KLF12: variants seen among roughly 807,000 people sequenced by gnomAD.
The protein encoded by KLF12 is KLF transcription factor 12, also known as Krueppel-like factor 12.
Under a neutral mutation model 37.8 loss-of-function variants are expected in KLF12, and 9 were observed. The ratio of observed to expected loss-of-function variants is 0.24; its 90% CI spans 0.14 to 0.42. KLF12 has a LOEUF of 0.42. Among genes scored for constraint, KLF12 ranks in the 10% least tolerant of loss-of-function variants. The probability of loss-of-function intolerance (pLI) is 1.00; values close to 1 mark genes in which losing one functional copy is unlikely to be tolerated. For synonymous variants in KLF12, 208 were observed against 202.1 expected, an observed-to-expected ratio of 1.03 and a Z score of -0.25; for missense variants, 411 against 516.0, an observed-to-expected ratio of 0.80 and a Z score of 1.97.
At chr13:74,272,489 T>G in the KLF12 span, among the ~76,000 whole-genome samples, 1 of 152,196 alleles carries the variant, frequency 6.6e-6, no homozygotes, top group South Asian at 2.1e-4. Flanking sequence ...CATATTAAAG[T>G]CTTTGAGAAG....
intron 3 of KLF12, among the ~76,000 whole-genome samples, chr13:73,906,575 T>C (rs1419650004): frequency 6.6e-6 from 1 of 152,250 alleles, no homozygotes; most frequent in South Asian, 2.1e-4. Context: ...TTGTGGTTCA[T>C]CTTTTATTTC....
At chr13:73,737,314 T>A (rs1480676295) in intron 6 of KLF12, among the ~76,000 whole-genome samples, 2 of 152,228 alleles carry the variant, frequency 1.3e-5, no homozygotes, top group Non-Finnish European at 2.9e-5. Flanking sequence ...GAATCAGATT[T>A]ATTTATTCTT....
At chr13:73,889,383 T>C (rs1887389986) in intron 3 of KLF12, among the ~76,000 whole-genome samples, 1 of 152,202 alleles carries the variant, frequency 6.6e-6, no homozygotes, top group African/African-American at 2.4e-5. Context: ...TTCATCATAC[T>C]GTCTTTGAAC....
Position 73,848,177 on chromosome 13 carries a change from T to A in KLF12, c.124-1804A>T, listed in dbSNP as rs565862034. ...AGAGAGTGATTACTTCCACCACAAA[T>A]TTTTCTCCTCCTGTCTACTTAGACA... On this transcript the variant is annotated intron_variant, in intron 3 of 7. Coordinates refer to ENST00000377669, the MANE Select transcript of KLF12 (RefSeq NM_007249.5). 1.3e-4 allele frequency among the ~76,000 whole-genome samples: 20 copies of A among 152,250 alleles called. No homozygotes were observed. The East Asian group carries it at 3.9e-3, about 29-fold the overall frequency.
chr13:74,136,425 T>G (rs1287698730), upstream of KLF12, among the ~76,000 whole-genome samples: 1 of 152,122 alleles, frequency 6.6e-6, no homozygotes, highest in Non-Finnish European at 1.5e-5. Context: ...AACGAGAAAC[T>G]TGCCTCTACT....
chr13:73,848,270 G>T (rs1885134205), intron 3 of KLF12, among the ~76,000 whole-genome samples: 1 of 152,090 alleles, frequency 6.6e-6, no homozygotes, highest in Non-Finnish European at 1.5e-5. Flanking sequence ...GTTCTATAAT[G>T]TAAATGAAAG....
the KLF12 span, among the ~76,000 whole-genome samples, chr13:74,286,233 T>C: frequency 1.3e-5 from 2 of 152,164 alleles, no homozygotes; most frequent in Non-Finnish European, 2.9e-5. Flanking sequence ...CACACTGAAA[T>C]GGATGTGAGG....
At chr13:74,167,831 G>C in the KLF12 span, among the ~76,000 whole-genome samples, 3 of 152,014 alleles carry the variant, frequency 2.0e-5, no homozygotes, top group African/African-American at 4.8e-5. Flanking sequence ...GAGCAAACAG[G>C]GTACTTGTTA....
Position 73,690,247 on chromosome 13 carries a change from CATTTA to C in KLF12, c.*5238_*5242del, listed in dbSNP as rs1206039580. Reference sequence around the variant, plus strand: ...AAGGTTTACTGACAGGCACTTTCAGCATTTAATTTATTTCTGAAAATGGGCATTAG... The same window carrying C: ...AAGGTTTACTGACAGGCACTTTCAGCATTTATTTCTGAAAATGGGCATTAG... On this transcript the variant is annotated 3_prime_UTR_variant, in exon 8 of 8. Coordinates refer to ENST00000377669, the MANE Select transcript of KLF12 (RefSeq NM_007249.5). 1.3e-5 allele frequency: 2 copies of C among 152,500 alleles called. No homozygotes were observed. The highest frequency in any genetic ancestry group is 2.9e-5 in the Non-Finnish European group (2 of 67,998). 9.4% of individuals were successfully genotyped at this position (152,500 alleles called of 1,614,324 possible). A position where few individuals can be genotyped will look rare whatever the true frequency, so the allele number is the denominator to read the frequency against.
intron 1 of KLF12, among the ~76,000 whole-genome samples, chr13:74,040,385 C>T (rs1257449033): frequency 6.6e-6 from 1 of 152,272 alleles, no homozygotes; most frequent in East Asian, 1.9e-4. Context: ...CTATGCAGAC[C>T]AGGCACCACT....
intron 7 of KLF12, among the ~76,000 whole-genome samples, chr13:73,713,289 G>A (rs1376470243): frequency 6.6e-6 from 1 of 152,190 alleles, no homozygotes; most frequent in Non-Finnish European, 1.5e-5. Context: ...GACATTGTAA[G>A]AGAGGAGAAC....
the KLF12 span, among the ~76,000 whole-genome samples, chr13:74,152,934 A>C: frequency 1.3e-5 from 2 of 149,568 alleles, no homozygotes; most frequent in African/African-American, 4.9e-5. Flanking sequence ...AATAATAAAA[A>C]CAGAGGGCTC....
upstream of KLF12, among the ~76,000 whole-genome samples, chr13:74,136,996 A>G (rs567808958): frequency 8.5e-5 from 13 of 152,324 alleles, no homozygotes; most frequent in African/African-American, 3.1e-4. Context: ...CAAAGCATGG[A>G]TGATAACGGA....
chr13:73,983,379 C>T (rs1891738938), intron 2 of KLF12, among the ~76,000 whole-genome samples: 1 of 152,190 alleles, frequency 6.6e-6, no homozygotes, highest in Non-Finnish European at 1.5e-5. Flanking sequence ...CACTACCCAT[C>T]CCATTCTTCT....
rs373953078 is a variant in KLF12, at chr13:73,957,705, C to G, written c.34-13635G>C. 1.2e-3 allele frequency among the ~76,000 whole-genome samples: 190 copies of G among 152,100 alleles called. 2 individuals carry two copies. Among genetic ancestry groups the G allele is most frequent in the South Asian group, 8.1e-3 (39 of 4,812 alleles). On this transcript the variant is annotated intron_variant, in intron 2 of 7. Transcript: ENST00000377669. ...TTCACAATATGAACTGAAATATAAA[C>G]CTGTTTATATTTTATTAATTTTGTT...
chr13:73,738,105 A>ACACACACAAAAATG, intron 6 of KLF12, among the ~76,000 whole-genome samples: 1 of 95,352 alleles, frequency 1.0e-5, no homozygotes, highest in East Asian at 2.3e-4. Flanking sequence ...ATATATATAT[A>ACACACACAAAAATG]TATATATATA....
At chr13:73,850,282 T>C (rs1885265865) in intron 3 of KLF12, among the ~76,000 whole-genome samples, 1 of 152,244 alleles carries the variant, frequency 6.6e-6, no homozygotes, top group African/African-American at 2.4e-5. Flanking sequence ...TTTTGAGTGA[T>C]CTGGAAATTA....
chr13:74,085,664 C>A (rs1205467294), intron 1 of KLF12, among the ~76,000 whole-genome samples: 1 of 152,162 alleles, frequency 6.6e-6, no homozygotes. Flanking sequence ...GATCCACTAG[C>A]CAGCGGGTTT....
intron 3 of KLF12, among the ~76,000 whole-genome samples, chr13:73,896,669 G>C (rs1887784648): frequency 6.6e-6 from 1 of 151,982 alleles, no homozygotes; most frequent in Non-Finnish European, 1.5e-5. Flanking sequence ...TCTGAATCTA[G>C]GCTCTCTTCA....
Sources: allele counts gnomAD v4.1 joint callset (sites outside exome capture counted in the v4.1 genomes callset), GRCh38; gene constraint gnomAD v4.1.1; transcripts MANE v1.5; gene names NCBI Gene and HGNC (gene_info 2026-07-23, HGNC 2026-07-21).